Variants in MYT1L observed in about 807,000 individuals in gnomAD.
The protein encoded by MYT1L is myelin transcription factor 1 like, also known as myelin transcription factor 1-like protein.
In MYT1L, 12 loss-of-function variants were observed where a neutral mutation model predicts 126.7. The ratio of observed to expected loss-of-function variants is 0.09; its 90% CI spans 0.06 to 0.15. The LOEUF is 0.15. Ranked by LOEUF, MYT1L falls within the 10% of genes least tolerant of loss-of-function variation. MYT1L has a pLI of 1.00. For missense variants in MYT1L, 979 were observed against 1,585.2 expected (o/e 0.62, Z 6.49); for synonymous variants, 541 against 604.2 (o/e 0.90, Z 1.53).
At position 2,290,539 on chromosome 2, in the gene MYT1L, T is replaced by G. The variant is rs774397416; in HGVS notation, c.-520-6036A>C. On this transcript the variant is annotated intron_variant, in intron 1 of 24. Transcript: ENST00000647738. ...GATAACAATGAAGAAAAAGAGTCAT[T>G]AAAACTTAATTGCTCATCACATGTG... is the stretch of plus-strand genomic sequence containing the variant. 1.3e-4 allele frequency among the ~76,000 whole-genome samples: 20 copies of G among 152,310 alleles called. No individual in the cohort carries two copies. The South Asian group carries it at 1.5e-3, about 11-fold the overall frequency.
intron 2 of MYT1L, among the ~76,000 whole-genome samples, chr2:2,214,910 A>C (rs2148932196): frequency 6.6e-6 from 1 of 152,314 alleles, no homozygotes; most frequent in East Asian, 1.9e-4. Flanking sequence ...ATAAAAATAA[A>C]ATGTATGATA....
intron 3 of MYT1L, among the ~76,000 whole-genome samples, chr2:2,112,749 G>T (rs1375594559): frequency 6.6e-6 from 1 of 152,190 alleles, no homozygotes; most frequent in African/African-American, 2.4e-5. Flanking sequence ...GAAAGCATTG[G>T]CCACTCTGCT....
At chr2:2,031,524 C>T (rs1483585083) in intron 4 of MYT1L, among the ~76,000 whole-genome samples, 1 of 142,402 alleles carries the variant, frequency 7.0e-6, no homozygotes, top group Non-Finnish European at 1.5e-5. Context: ...CACACCCCTC[C>T]CAAGTGCCTC....
intron 3 of MYT1L, among the ~76,000 whole-genome samples, chr2:2,128,581 T>C (rs747319001): frequency 2.6e-5 from 4 of 152,238 alleles, no homozygotes; most frequent in Non-Finnish European, 5.9e-5. Flanking sequence ...ATGGGGATTA[T>C]TCTATGTAAA....
chr2:2,155,846 T>A (rs963365369), intron 3 of MYT1L, among the ~76,000 whole-genome samples: 2 of 152,068 alleles, frequency 1.3e-5, no homozygotes, highest in African/African-American at 4.8e-5. Context: ...GTCATGAGAG[T>A]TGGTTCCAGG....
At chr2:1,866,925 A>T (rs1479429227) in intron 18 of MYT1L, among the ~76,000 whole-genome samples, 3 of 125,192 alleles carry the variant, frequency 2.4e-5, no homozygotes, top group Non-Finnish European at 4.9e-5. Context: ...AGAGAGTGAG[A>T]GGGTGGGGAA....
At chr2:2,286,762 G>A (rs1004841984) in intron 1 of MYT1L, among the ~76,000 whole-genome samples, 2 of 152,124 alleles carry the variant, frequency 1.3e-5, no homozygotes, top group African/African-American at 4.8e-5. Flanking sequence ...CCAGGCATTG[G>A]CTTTGGAGAA....
chr2:2,326,433 A>G (rs2096246868), intron 1 of MYT1L: 1 of 152,216 alleles, frequency 6.6e-6, no homozygotes, highest in Admixed American at 6.5e-5. Flanking sequence ...AGAGGCTGCA[A>G]TTCCCTTCCC....
intron 4 of MYT1L, among the ~76,000 whole-genome samples, chr2:2,009,453 T>G (rs1388690406): frequency 6.6e-6 from 1 of 152,230 alleles, no homozygotes; most frequent in African/African-American, 2.4e-5. Context: ...AATATCTTTT[T>G]TGATGCTATC....
At chr2:2,154,434 G>A (rs545324224) in intron 3 of MYT1L, among the ~76,000 whole-genome samples, 1 of 152,168 alleles carries the variant, frequency 6.6e-6, no homozygotes, top group Non-Finnish European at 1.5e-5. Flanking sequence ...CAACCTAAAT[G>A]CCTATCAATA....
chr2:2,236,400 A>ACCCCAGT, intron 2 of MYT1L, among the ~76,000 whole-genome samples: 1 of 135,814 alleles, frequency 7.4e-6, no homozygotes, highest in Non-Finnish European at 1.5e-5. Context: ...ATCCCAACCT[A>ACCCCAGT]ACCCAGTACA....
intron 23 of MYT1L, chr2:1,795,408 G>A (rs1031034597): frequency 1.3e-5 from 2 of 152,426 alleles, no homozygotes; most frequent in Admixed American, 6.5e-5. Context: ...TGAGAAAGGT[G>A]ATGTAGGGGC....
chr2:1,935,526 T>C (rs950428342), intron 9 of MYT1L, among the ~76,000 whole-genome samples: 66 of 152,372 alleles, frequency 4.3e-4, no homozygotes, highest in African/African-American at 1.5e-3. Flanking sequence ...TGTGATGTTA[T>C]GGTTCTGAAC....
At position 1,870,978 on chromosome 2, in the gene MYT1L, G is replaced by T. The variant is rs540078949; in HGVS notation, c.2711+15561C>A. Among the ~76,000 whole-genome samples, 5 of 152,310 alleles carry T rather than the reference G, an allele frequency of 3.3e-5. No individual in the cohort carries two copies. The East Asian group carries it at 7.7e-4, about 24-fold the overall frequency. On this transcript the variant is annotated intron_variant, in intron 18 of 24. Transcript: ENST00000647738. ...CTTTACCCGCCCTGCCCTAGGCTGG[G>T]GCTGTGTGCTGGTGCACGGGATCCA...
At chr2:2,259,255 G>A (rs1258443678) in intron 2 of MYT1L, among the ~76,000 whole-genome samples, 1 of 107,106 alleles carries the variant, frequency 9.3e-6, no homozygotes, top group African/African-American at 4.0e-5. Context: ...GGGGTCGGGG[G>A]AGGGGGGAGG....
chr2:1,935,425 G>T (rs1333382649), intron 9 of MYT1L, among the ~76,000 whole-genome samples: 1 of 152,082 alleles, frequency 6.6e-6, no homozygotes, highest in East Asian at 1.9e-4. Context: ...GTGTGGGGAG[G>T]GGGTCATGGA....
chr2:2,077,390 A>G (rs1227420551), intron 3 of MYT1L, among the ~76,000 whole-genome samples: 1 of 152,236 alleles, frequency 6.6e-6, no homozygotes, highest in African/African-American at 2.4e-5. Context: ...CTATATGTAG[A>G]CATATCAGGA....
chr2:2,275,202 A>ATGTGTG (rs10522538), intron 2 of MYT1L, among the ~76,000 whole-genome samples: 7,881 of 139,440 alleles, frequency 0.057, 246 homozygotes, highest in Middle Eastern at 0.097. Flanking sequence ...TAATAATAAA[A>ATGTGTG]TGTGTGTGTG....
At chr2:1,878,800 A>T (rs2148773935) in intron 18 of MYT1L, among the ~76,000 whole-genome samples, 1 of 152,266 alleles carries the variant, frequency 6.6e-6, no homozygotes, top group South Asian at 2.1e-4. Context: ...TAAGTGTGGG[A>T]TGTCCAACCT....
Sources: allele counts gnomAD v4.1 joint callset (sites outside exome capture counted in the v4.1 genomes callset), GRCh38; gene constraint gnomAD v4.1.1; transcripts MANE v1.5; gene names NCBI Gene and HGNC (gene_info 2026-07-23, HGNC 2026-07-21).